Variants in TMEM209 observed in about 807,000 individuals in gnomAD.
TMEM209 encodes the protein transmembrane protein 209, also known as testicular tissue protein Li 202.
A neutral mutation model predicts 76.2 loss-of-function variants in TMEM209; 65 were observed. That is an observed-to-expected ratio of 0.85 (90% confidence interval 0.70 to 1.05). TMEM209 has a LOEUF of 1.05. Among genes scored for constraint, TMEM209 ranks in the 50% least tolerant of loss-of-function variants. TMEM209 has a pLI of 0.00. For synonymous variants in TMEM209, 239 were observed against 237.6 expected (o/e 1.01, Z -0.06); for missense variants, 623 against 685.5 (o/e 0.91, Z 1.02).
At chr7:130,204,743 G>A (rs1324631011) in intron 1 of TMEM209, among the ~76,000 whole-genome samples, 1 of 152,112 alleles carries the variant, frequency 6.6e-6, no homozygotes, top group Non-Finnish European at 1.5e-5. Context: ...TTGTCTTTGG[G>A]GTATGTTACA....
intron 8 of TMEM209, chr7:130,182,036 G>A (rs1183715377): frequency 4.5e-6 from 1 of 220,956 alleles, no homozygotes; most frequent in Non-Finnish European, 9.2e-6. Flanking sequence ...CACTTCCCAA[G>A]TTCAAAGGAT....
chr7:130,178,327 CTT>C, intron 10 of TMEM209, 73 bp downstream of exon 10: 2 of 1,384,784 alleles, frequency 1.4e-6, no homozygotes, highest in South Asian at 3.0e-5. Context: ...AAAGTTTTTC[CTT>C]GTTAATCTTC....
rs1026180362 is a variant in TMEM209 at position 130,165,235 on chromosome 7, A to G, written c.*1216T>C. ...TAGTTTCAGCTGTTTCCAGGTTTAC[A>G]TAAGATGATGGAAGCAGTCTCTAAT... On this transcript the variant is annotated 3_prime_UTR_variant, in exon 15 of 15. Coordinates refer to ENST00000397622, the MANE Select transcript of TMEM209 (RefSeq NM_032842.4). 9 of 152,240 alleles carry G rather than the reference A, an allele frequency of 5.9e-5. No individual in the cohort carries two copies. The highest frequency in any genetic ancestry group is 1.9e-4 in the African/African-American group (8 of 41,468). 9.4% of individuals were successfully genotyped at this position (152,240 alleles called of 1,614,324 possible). A position where few individuals can be genotyped will look rare whatever the true frequency, so the allele number is the denominator to read the frequency against.
At chr7:130,205,222 C>T (rs1584706165) in intron 1 of TMEM209, 151 bp downstream of exon 1, 1 of 1,589,772 alleles carries the variant, frequency 6.3e-7, no homozygotes, top group African/African-American at 1.3e-5. Flanking sequence ...CTTCAGCAAC[C>T]CTATTGCTTC....
At chr7:130,173,168 A>G (rs917983028) in intron 13 of TMEM209, among the ~76,000 whole-genome samples, 6 of 152,096 alleles carry the variant, frequency 3.9e-5, no homozygotes, top group Non-Finnish European at 7.3e-5. Context: ...TAACATGGAG[A>G]GACTCTGTCT....
At chr7:130,167,958 T>C (rs1256918074) in intron 14 of TMEM209, among the ~76,000 whole-genome samples, 1 of 152,194 alleles carries the variant, frequency 6.6e-6, no homozygotes, top group African/African-American at 2.4e-5. Flanking sequence ...AGTTTTAGTC[T>C]AAAATGCTTA....
chr7:130,181,343 G>C (rs1797406513), intron 9 of TMEM209, among the ~76,000 whole-genome samples: 1 of 152,196 alleles, frequency 6.6e-6, no homozygotes, highest in South Asian at 2.1e-4. Flanking sequence ...GTAAAAGGTG[G>C]AGAGTTTCTT....
intron 14 of TMEM209, among the ~76,000 whole-genome samples, chr7:130,167,683 C>A (rs1013828338): frequency 6.6e-6 from 1 of 152,124 alleles, no homozygotes; most frequent in Non-Finnish European, 1.5e-5. Context: ...GCAGTCAAGT[C>A]TGTCTAGATT....
Position 130,204,198 on chromosome 7 carries a change from CT to C in TMEM209, c.4-89del, listed in dbSNP as rs371027580. On this transcript the variant is annotated intron_variant, in intron 1 of 14. Coordinates refer to ENST00000397622, the MANE Select transcript of TMEM209 (RefSeq NM_032842.4). ...AATTTTGCATCCCTTATAAAGGTAA[CT>C]GAAACCGCATATACCTTCTCTCATC... 103 of 1,387,116 alleles carry C rather than the reference CT, an allele frequency of 7.4e-5. No individual in the cohort carries two copies. In the African/African-American group the frequency reaches 1.1e-3, roughly 15 times the overall value. The allele number at this position is 1,387,116 out of a possible 1,614,324, so 85.9% of individuals were successfully genotyped here.
chr7:130,188,593 A>T (rs1345684648), intron 6 of TMEM209, among the ~76,000 whole-genome samples: 1 of 104,098 alleles, frequency 9.6e-6, no homozygotes, highest in East Asian at 3.4e-4. Context: ...GAGACTCCGT[A>T]TCAAAAAAAA....
intron 10 of TMEM209, among the ~76,000 whole-genome samples, chr7:130,177,841 C>T (rs1797289678): frequency 6.6e-6 from 1 of 152,146 alleles, no homozygotes; most frequent in African/African-American, 2.4e-5. Context: ...AGGGAGAACA[C>T]TATAATATTT....
At chr7:130,186,217 C>T (rs985444589) in intron 6 of TMEM209, among the ~76,000 whole-genome samples, 24 of 152,118 alleles carry the variant, frequency 1.6e-4, no homozygotes, top group African/African-American at 5.1e-4. Context: ...TAAATAGAAA[C>T]AATTTTTTTT....
At chr7:130,192,386 A>G (rs1229740067) in intron 6 of TMEM209, 1 of 478,218 alleles carries the variant, frequency 2.1e-6, no homozygotes, top group Non-Finnish European at 3.8e-6. Flanking sequence ...AACTTACATT[A>G]TACGAAAAAG....
Position 130,204,026 on chromosome 7 carries a change from A to AG in TMEM209, c.87dup (p.Ala31SerfsTer16). On this transcript the variant is annotated frameshift_variant, in exon 2 of 15. Transcript: ENST00000397622. LOFTEE classifies it high-confidence loss of function. The stretch of plus-strand genomic sequence containing the variant: ...GATACATTTAGGAGTCCCCAGGCTA[A>AG]GACCACTTTCCTAGCCTCTGTTTCT... 1 of 1,613,758 alleles carries AG rather than the reference A, an allele frequency of 6.2e-7. No individual in the cohort carries two copies. Among genetic ancestry groups the AG allele is most frequent in the Non-Finnish European group, 8.5e-7 (1 of 1,179,776 alleles).
chr7:130,202,706 G>C (rs753977827), intron 3 of TMEM209, 43 bp from the exon 4 acceptor site: 1 of 1,585,524 alleles, frequency 6.3e-7, no homozygotes, highest in Non-Finnish European at 8.6e-7. Flanking sequence ...GGTGAGGAGG[G>C]CATCTATTGG....
chr7:130,198,618 A>C (rs932947040), intron 5 of TMEM209, among the ~76,000 whole-genome samples: 87 of 151,750 alleles, frequency 5.7e-4, no homozygotes, highest in African/African-American at 1.8e-3. Context: ...TCTCAAAAAA[A>C]CCCCCCCAAA....
chr7:130,167,683 C>G (rs1013828338), intron 14 of TMEM209, among the ~76,000 whole-genome samples: 2 of 152,124 alleles, frequency 1.3e-5, no homozygotes, highest in African/African-American at 4.8e-5. Flanking sequence ...GCAGTCAAGT[C>G]TGTCTAGATT....
rs551352818 is a variant in TMEM209, at chr7:130,203,709, A to T, written c.199+79T>A. On this transcript the variant is annotated intron_variant, in intron 3 of 14. Coordinates refer to ENST00000397622, the MANE Select transcript of TMEM209 (RefSeq NM_032842.4). ...CAGTCAAATACTTGTTGAATAAGGA[A>T]ATGTATACTAAGCTGAATTAAACCT... The T allele has an allele frequency of 6.5e-6, 8 of 1,239,312 alleles. No individual in the cohort carries two copies. The South Asian group carries it at 8.2e-5, about 13-fold the overall frequency. 76.8% of individuals were successfully genotyped at this position (1,239,312 alleles called of 1,614,324 possible).
In TMEM209 at chr7:130,166,379, G is replaced by T; in HGVS notation, c.*72C>A. 1 of 1,251,770 alleles carries T rather than the reference G, an allele frequency of 8.0e-7. No homozygotes were observed. Among genetic ancestry groups the T allele is most frequent in the Non-Finnish European group, 1.1e-6 (1 of 897,176 alleles). The allele number at this position is 1,251,770 out of a possible 1,614,324, so 77.5% of individuals were successfully genotyped here. ...GTATTTTATTTCAGAAGAGTCAGTG[G>T]CTCAGAGATGTTTAGTTTCGACTTC... On this transcript the variant is annotated 3_prime_UTR_variant, in exon 15 of 15. Transcript: ENST00000397622.
Sources: gnomAD v4.1 joint callset for allele counts (sites outside exome capture counted in the v4.1 genomes callset) on GRCh38, gnomAD v4.1.1 for gene constraint, MANE v1.5 for transcripts, NCBI Gene and HGNC (gene_info 2026-07-23, HGNC 2026-07-21) for gene names.